The following ABLIM3 variants were observed in gnomAD, a reference collection of about 807,000 sequenced individuals.
ABLIM3 encodes actin binding LIM protein family member 3.
ABLIM3 carries 61 observed loss-of-function variants against 109.5 expected under a neutral mutation model. The ratio of observed to expected loss-of-function variants is 0.56; its 90% CI spans 0.45 to 0.69. ABLIM3 has a LOEUF of 0.69. ABLIM3 is among the 30% of genes least tolerant of loss of function. ABLIM3 has a pLI of 0.00. For synonymous variants in ABLIM3, 300 were observed against 324.8 expected, an observed-to-expected ratio of 0.92 and a Z score of 0.82; for missense variants, 796 against 889.5, an observed-to-expected ratio of 0.89 and a Z score of 1.34.
intron 2 of ABLIM3, among the ~76,000 whole-genome samples, chr5:149,154,599 A>G (rs1162784608): frequency 1.3e-5 from 2 of 152,182 alleles, no homozygotes; most frequent in Non-Finnish European, 2.9e-5. Context: ...ACAATCTTAC[A>G]TGGGCCTTCC....
In ABLIM3 at chr5:149,245,006, TC is replaced by T; in HGVS notation, c.1482del (p.Val496CysfsTer30). 6.2e-7 allele frequency: 1 copy of T among 1,613,980 alleles called. No individual in the cohort carries two copies. Among genetic ancestry groups the T allele is most frequent in the Non-Finnish European group, 8.5e-7 (1 of 1,179,998 alleles). On this transcript the variant is annotated frameshift_variant, in exon 16 of 24. Coordinates refer to ENST00000309868, the MANE Select transcript of ABLIM3 (RefSeq NM_014945.5). LOFTEE classifies it high-confidence loss of function. ...SESEYWTYHG[S>X]PKVPRARRFS... is the part of the protein sequence containing the mutation. Reference sequence around the variant, plus strand: ...GTCTGAGTACTGGACCTACCATGGGTCCCCCAAAGGTAGTACCCCCATAGGA... The same window carrying T: ...GTCTGAGTACTGGACCTACCATGGGTCCCCAAAGGTAGTACCCCCATAGGA...
chr5:149,215,968 C>G (rs535203389), intron 7 of ABLIM3, among the ~76,000 whole-genome samples: 4 of 152,318 alleles, frequency 2.6e-5, no homozygotes, highest in Non-Finnish European at 4.4e-5. Context: ...TTCTTCCCCC[C>G]ATGGAAGTCT....
intron 2 of ABLIM3, among the ~76,000 whole-genome samples, chr5:149,169,681 G>T (rs1360716583): frequency 6.6e-6 from 1 of 152,156 alleles, no homozygotes; most frequent in Non-Finnish European, 1.5e-5. Context: ...AGGAGTGGCT[G>T]CTGAGAAGCA....
intron 23 of ABLIM3, among the ~76,000 whole-genome samples, chr5:149,253,946 T>G (rs183844047): frequency 9.1e-4 from 139 of 152,256 alleles, no homozygotes; most frequent in African/African-American, 3.2e-3. Context: ...GTCCTCACAA[T>G]CATGGTGGAA....
chr5:149,221,587 T>G (rs1760656973), intron 8 of ABLIM3, among the ~76,000 whole-genome samples: 1 of 152,246 alleles, frequency 6.6e-6, no homozygotes. Context: ...TTTTAAGTTC[T>G]GTTGTGTATT....
At chr5:149,233,170 C>T in intron 9 of ABLIM3, 59 bp from the exon 10 acceptor site, 1 of 1,511,626 alleles carries the variant, frequency 6.6e-7, no homozygotes, top group Non-Finnish European at 9.2e-7. Context: ...CCTGTCTCAC[C>T]CTCCCCACCA....
chr5:149,178,322 G>A (rs954197880), intron 2 of ABLIM3, among the ~76,000 whole-genome samples: 11 of 152,096 alleles, frequency 7.2e-5, no homozygotes, highest in Admixed American at 3.3e-4. Flanking sequence ...GAGTGAAAGC[G>A]GCTGCACCCT....
chr5:149,233,416 C>A (rs1762056072), intron 10 of ABLIM3, 116 bp downstream of exon 10: 2 of 1,058,384 alleles, frequency 1.9e-6, no homozygotes, highest in Non-Finnish European at 1.5e-6. Flanking sequence ...TTGATGCATG[C>A]TCTTCATGTG....
chr5:149,148,574 TC>T lies in ABLIM3; in HGVS notation c.13+6467del, dbSNP rs1753136997. On this transcript the variant is annotated intron_variant, in intron 2 of 23. Transcript: ENST00000309868. ...GAGGCAGCCTCTAACTGGCCTCCTTTCATCCATGCCAGCCCCCTTCAGCGAT... is the reference window on the plus strand; with the variant it reads ...GAGGCAGCCTCTAACTGGCCTCCTTTATCCATGCCAGCCCCCTTCAGCGAT... Among the ~76,000 whole-genome samples, 5 of 152,270 alleles carry T rather than the reference TC, an allele frequency of 3.3e-5. No homozygotes were observed. The South Asian group carries it at 1.0e-3, about 32-fold the overall frequency.
chr5:149,259,167 C>T lies in ABLIM3; in HGVS notation c.*763C>T, dbSNP rs1008890753. 27 of 1,034,992 alleles carry T rather than the reference C, an allele frequency of 2.6e-5. No homozygotes were observed. The East Asian group carries it at 5.1e-4, about 20-fold the overall frequency. The allele number at this position is 1,034,992 out of a possible 1,614,324, so 64.1% of individuals were successfully genotyped here. A position where few individuals can be genotyped will look rare whatever the true frequency, so the allele number is the denominator to read the frequency against. ...GAGAACCAGAGGAAAAGAGAGGGAG[C>T]GGAAGTGGGAGATGGAGCAGGGCAC... On this transcript the variant is annotated 3_prime_UTR_variant, in exon 24 of 24. Transcript: ENST00000309868.
At chr5:149,233,091 A>T (rs1315446726) in intron 9 of ABLIM3, 138 bp from the exon 10 acceptor site, 6 of 748,522 alleles carry the variant, frequency 8.0e-6, no homozygotes, top group Non-Finnish European at 1.4e-5. Context: ...AAAGACAGAG[A>T]ATAAAAAGGA....
At chr5:149,200,886 C>G (rs546183333) in intron 5 of ABLIM3, among the ~76,000 whole-genome samples, 67 of 152,246 alleles carry the variant, frequency 4.4e-4, no homozygotes, top group African/African-American at 1.6e-3. Context: ...TTCCATAGAC[C>G]ACTGCATCAG....
chr5:149,150,996 G>C (rs763908001), intron 2 of ABLIM3, among the ~76,000 whole-genome samples: 33 of 152,310 alleles, frequency 2.2e-4, no homozygotes, highest in Non-Finnish European at 3.8e-4. Context: ...ACATAACAAA[G>C]GTTTCTGAAA....
At position 149,259,299 on chromosome 5, in the gene ABLIM3, C is replaced by T; in HGVS notation, c.*895C>T. ...TTCAAGGAGAAGCCCATGATTGCAGCTTGTATTCTTTAGCCTTATTACAAT... is the reference window on the plus strand; with the variant it reads ...TTCAAGGAGAAGCCCATGATTGCAGTTTGTATTCTTTAGCCTTATTACAAT... On this transcript the variant is annotated 3_prime_UTR_variant, in exon 24 of 24. Transcript: ENST00000309868. 1.4e-6 allele frequency: 2 copies of T among 1,387,676 alleles called. No homozygotes were observed. Among genetic ancestry groups the T allele is most frequent in the African/African-American group, 2.9e-5 (2 of 68,702 alleles). The allele number at this position is 1,387,676 out of a possible 1,614,324, so 86.0% of individuals were successfully genotyped here.
At chr5:149,157,476 T>C (rs976777312) in intron 2 of ABLIM3, among the ~76,000 whole-genome samples, 1 of 151,426 alleles carries the variant, frequency 6.6e-6, no homozygotes, top group Non-Finnish European at 1.5e-5. Context: ...CTCCATCTCC[T>C]TGTCATACTA....
intron 2 of ABLIM3, among the ~76,000 whole-genome samples, chr5:149,173,130 TC>T (rs1755597629): frequency 6.6e-6 from 1 of 152,186 alleles, no homozygotes; most frequent in South Asian, 2.1e-4. Flanking sequence ...GGTCAGGCTG[TC>T]CTCACAGCCC....
In ABLIM3 at chr5:149,230,559, G is replaced by T. The variant is rs17722862; in HGVS notation, c.758-90G>T. ...TCTGGCAGATGTGTAAGGGACATAC[G>T]CTGACCACGGAGTGAATCAAGGTGG... On this transcript the variant is annotated intron_variant, in intron 8 of 23. Coordinates refer to ENST00000309868, the MANE Select transcript of ABLIM3 (RefSeq NM_014945.5). 3,871 of 1,406,616 alleles carry T rather than the reference G, an allele frequency of 2.8e-3. 71 individuals carry two copies. The East Asian group carries it at 0.028, about 10-fold the overall frequency. The allele number at this position is 1,406,616 out of a possible 1,614,324, so 87.1% of individuals were successfully genotyped here.
In ABLIM3 at chr5:149,245,095, C is replaced by A. The variant is rs961225867; in HGVS notation, c.1486+80C>A. 6.4e-6 allele frequency: 10 copies of A among 1,552,220 alleles called. No individual in the cohort carries two copies. In the African/African-American group the frequency reaches 1.1e-4, roughly 17 times the overall value. On this transcript the variant is annotated intron_variant, in intron 16 of 23. Transcript: ENST00000309868. ...CGGGTGTTCAGAACAGTTGCCCACT[C>A]CTTTATACAATCATTCTGAATAAGA...
At chr5:149,191,853 GTTATTT>G (rs1259844115) in intron 3 of ABLIM3, among the ~76,000 whole-genome samples, 1 of 152,142 alleles carries the variant, frequency 6.6e-6, no homozygotes, top group African/African-American at 2.4e-5. Flanking sequence ...CTTATACCTA[GTTATTT>G]TTATTTTTAT....
Sources: allele counts gnomAD v4.1 joint callset (sites outside exome capture counted in the v4.1 genomes callset), GRCh38; gene constraint gnomAD v4.1.1; transcripts MANE v1.5; gene names NCBI Gene and HGNC (gene_info 2026-07-23, HGNC 2026-07-21).